MBD5: variants seen among roughly 807,000 people sequenced by gnomAD.
MBD5 encodes the protein methyl-CpG binding domain protein 5.
MBD5 carries 13 observed loss-of-function variants against 117.3 expected under a neutral mutation model. That is an observed-to-expected ratio of 0.11 (90% CI 0.07 to 0.18). The LOEUF (loss-of-function observed/expected upper bound fraction) is 0.18, where lower values mean the gene tolerates loss of function less well. Ranked by LOEUF, MBD5 falls within the 10% of genes least tolerant of loss-of-function variation. The pLI, the probability that MBD5 is intolerant of heterozygous loss-of-function variation, is 1.00. For missense variants in MBD5, 1,879 were observed against 2,093.8 expected (o/e 0.90, Z 2.00); for synonymous variants, 727 against 766.4 (o/e 0.95, Z 0.85).
intron 3 of MBD5, among the ~76,000 whole-genome samples, chr2:148,289,533 C>T (rs931443775): frequency 6.6e-6 from 1 of 152,010 alleles, no homozygotes; most frequent in African/African-American, 2.4e-5. Context: ...TATGCCATAC[C>T]TACATAAAGG....
At chr2:148,474,448 CA>C (rs1173486973) in intron 8 of MBD5, among the ~76,000 whole-genome samples, 3 of 152,034 alleles carry the variant, frequency 2.0e-5, no homozygotes, top group African/African-American at 7.2e-5. Context: ...TACCTTCTTC[CA>C]ATATGATAAA....
chr2:148,453,278 G>A (rs957781818), intron 4 of MBD5, among the ~76,000 whole-genome samples: 5 of 152,136 alleles, frequency 3.3e-5, no homozygotes, highest in African/African-American at 1.2e-4. Context: ...AGAAGCCAAT[G>A]TAAAGAAGAA....
chr2:148,472,812 C>G (rs1027285661), intron 8 of MBD5, among the ~76,000 whole-genome samples: 3 of 152,116 alleles, frequency 2.0e-5, no homozygotes, highest in African/African-American at 7.2e-5. Flanking sequence ...TATCTATCGT[C>G]AAGTACCTTT....
intron 4 of MBD5, among the ~76,000 whole-genome samples, chr2:148,439,303 G>C (rs13395587): frequency 0.61 from 92,916 of 151,960 alleles, 29,477 homozygotes; most frequent in African/African-American, 0.79. Context: ...TTATGATTGG[G>C]ACTAGTATGC....
At chr2:148,043,350 G>A (rs1191764037) in intron 1 of MBD5, among the ~76,000 whole-genome samples, 1 of 151,860 alleles carries the variant, frequency 6.6e-6, no homozygotes, top group Non-Finnish European at 1.5e-5. Flanking sequence ...CTACTCCTGA[G>A]GCTGAGGCAG....
chr2:148,064,121 C>CTTTTTTTTT (rs200434229), intron 1 of MBD5, among the ~76,000 whole-genome samples: 8 of 126,148 alleles, frequency 6.3e-5, no homozygotes, highest in African/African-American at 9.4e-5. Context: ...CACCAGCTGT[C>CTTTTTTTTT]TTTTTTCTTT....
chr2:148,082,190 A>G (rs1234408), intron 1 of MBD5, among the ~76,000 whole-genome samples: 151,747 of 152,318 alleles, frequency 1, 75,592 homozygotes, highest in Middle Eastern at 1. Flanking sequence ...CCTTTCCACA[A>G]TTTTAGGCTG....
chr2:148,468,915 A>C lies in MBD5; in HGVS notation c.972A>C (p.Pro324=). Residue 324 remains proline, a synonymous_variant, in exon 8 of 14, where the codon CCA becomes CCC. Coordinates refer to ENST00000642680, the MANE Select transcript of MBD5 (RefSeq NM_001378120.1). The part of the protein sequence containing the change: ...MCNFSTNMEI[P]RAMFHHKPPQ... ...ATTTTTCAACTAATATGGAAATACC[A>C]CGAGCAATGTTCCACCACAAACCAC... 1 of 1,613,840 alleles carries C rather than the reference A, an allele frequency of 6.2e-7. No individual in the cohort carries two copies. The highest frequency in any genetic ancestry group is 8.5e-7 in the Non-Finnish European group (1 of 1,179,890).
chr2:148,074,280 T>C (rs937821762), intron 1 of MBD5, among the ~76,000 whole-genome samples: 5 of 152,152 alleles, frequency 3.3e-5, no homozygotes, highest in African/African-American at 1.2e-4. Flanking sequence ...ATCTTATTTG[T>C]AATTCCTTTG....
At chr2:148,149,543 T>G (rs1190275582) in intron 1 of MBD5, among the ~76,000 whole-genome samples, 1 of 151,198 alleles carries the variant, frequency 6.6e-6, no homozygotes, top group African/African-American at 2.4e-5. Flanking sequence ...TGAACTAGTT[T>G]ACAGTCCCAC....
chr2:148,087,637 C>G (rs1695829893), intron 1 of MBD5, among the ~76,000 whole-genome samples: 1 of 152,156 alleles, frequency 6.6e-6, no homozygotes, highest in Admixed American at 6.5e-5. Flanking sequence ...TAGTCTGGCT[C>G]TCAGGAAGCC....
rs137930200 is a variant in MBD5 at position 148,293,586 on chromosome 2, T to G, written c.-679-48628T>G. The stretch of plus-strand genomic sequence containing the variant: ...AAATCGAGATAGTCTTACCTCTATC[T>G]TAGTCTTTCCCAATCTGTGTGCCTT... On this transcript the variant is annotated intron_variant, in intron 3 of 13. Coordinates refer to ENST00000642680, the MANE Select transcript of MBD5 (RefSeq NM_001378120.1). Among the ~76,000 whole-genome samples, 45 of 152,340 alleles carry G rather than the reference T, an allele frequency of 3.0e-4. No individual in the cohort carries two copies. In the East Asian group the frequency reaches 7.9e-3, roughly 27 times the overall value.
At chr2:148,044,764 T>C (rs1329030464) in intron 1 of MBD5, 4 of 152,124 alleles carry the variant, frequency 2.6e-5, no homozygotes, top group African/African-American at 9.7e-5. Context: ...ATTCCTAAAG[T>C]CCTTATTTCT....
At chr2:148,263,721 G>T (rs755328249) in intron 3 of MBD5, among the ~76,000 whole-genome samples, 5 of 152,150 alleles carry the variant, frequency 3.3e-5, no homozygotes, top group African/African-American at 4.8e-5. Flanking sequence ...GAAGACAAAA[G>T]AATCTAATTA....
intron 1 of MBD5, among the ~76,000 whole-genome samples, chr2:148,087,562 G>C (rs1427793511): frequency 1.3e-5 from 2 of 152,168 alleles, no homozygotes; most frequent in Non-Finnish European, 2.9e-5. Flanking sequence ...ACATTCCCCA[G>C]CACCAGCCCA....
chr2:148,142,644 C>G (rs576870625), intron 1 of MBD5, among the ~76,000 whole-genome samples: 1 of 152,086 alleles, frequency 6.6e-6, no homozygotes, highest in South Asian at 2.1e-4. Context: ...AAAGCAGGGT[C>G]CTATCCAGGA....
chr2:148,027,410 A>T (rs1285055580), intron 1 of MBD5: 1 of 152,076 alleles, frequency 6.6e-6, no homozygotes, highest in Non-Finnish European at 1.5e-5. Context: ...GAGAAAAAAA[A>T]TTAAAAACTT....
intron 1 of MBD5, among the ~76,000 whole-genome samples, chr2:148,124,046 A>G (rs564738109): frequency 6.6e-6 from 1 of 152,310 alleles, no homozygotes; most frequent in East Asian, 1.9e-4. Flanking sequence ...TGGGTGGCCA[A>G]GGAAGGTGGA....
At chr2:148,404,072 T>C (rs577696421) in intron 4 of MBD5, among the ~76,000 whole-genome samples, 8 of 152,222 alleles carry the variant, frequency 5.3e-5, no homozygotes, top group East Asian at 1.9e-4. Flanking sequence ...TTATGTGTTA[T>C]ATTTTCCTGC....
Sources: gnomAD v4.1 joint callset for allele counts (sites outside exome capture counted in the v4.1 genomes callset) on GRCh38, gnomAD v4.1.1 for gene constraint, MANE v1.5 for transcripts, NCBI Gene and HGNC (gene_info 2026-07-23, HGNC 2026-07-21) for gene names.